The following GNB5 variants were observed in gnomAD, a reference collection of about 807,000 sequenced individuals.
The protein encoded by GNB5 is G protein subunit beta 5.
GNB5 carries 37 observed loss-of-function variants against 55.3 expected under a neutral mutation model. The observed-to-expected ratio is 0.67, with a 90% CI of 0.51 to 0.88. The LOEUF (loss-of-function observed/expected upper bound fraction) is 0.88. Ranked by LOEUF, GNB5 falls within the 40% of genes least tolerant of loss-of-function variation. The pLI is 0.00. For synonymous variants in GNB5, 219 were observed against 198.5 expected, an observed-to-expected ratio of 1.10 and a Z score of -0.87; for missense variants, 476 against 515.3, an observed-to-expected ratio of 0.92 and a Z score of 0.74.
In GNB5 at chr15:52,126,850, A is replaced by G. The variant is rs2033443469; in HGVS notation, c.913-806T>C. On this transcript the variant is annotated intron_variant, in intron 10 of 12. Transcript: ENST00000261837. ...TCGCTCGTCACCCAGGCTGGAGTGC[A>G]ATGGCGCTATCTTGGCTCACTGCAA... Among the ~76,000 whole-genome samples, 4 of 152,266 alleles carry G rather than the reference A, an allele frequency of 2.6e-5. 1 individual carries two copies. The South Asian group carries it at 8.3e-4, about 32-fold the overall frequency.
intron 7 of GNB5, chr15:52,139,974 C>G: frequency 7.9e-7 from 1 of 1,261,788 alleles, no homozygotes. Context: ...TTGCCTCAGG[C>G]CCAAAGACAT....
At chr15:52,135,477 A>G in intron 8 of GNB5, 136 bp downstream of exon 8, 2 of 774,134 alleles carry the variant, frequency 2.6e-6, no homozygotes, top group Non-Finnish European at 4.2e-6. Flanking sequence ...CTGGGGGTTT[A>G]GTGGGGAGTT....
At chr15:52,166,670 G>T (rs556048762) in intron 3 of GNB5, among the ~76,000 whole-genome samples, 1 of 152,254 alleles carries the variant, frequency 6.6e-6, no homozygotes, top group East Asian at 1.9e-4. Context: ...GAATCTCTAG[G>T]ACACAGCTAA....
In GNB5 at chr15:52,117,102, A is replaced by ATATATATTTTTTTTTTTTTTTTT; in HGVS notation, c.*5654_*5655insAAAAAAAAAAAAAAAAATATATA. On this transcript the variant is annotated 3_prime_UTR_variant, in exon 13 of 13. Transcript: ENST00000261837. ...CCACGCCCAGCTAATATATATATAT[A>ATATATATTTTTTTTTTTTTTTTT]TTTTTTTTTAGTACAGACAGGGTTT... 1 of 87,102 alleles carries ATATATATTTTTTTTTTTTTTTTT rather than the reference A, an allele frequency of 1.1e-5. No homozygotes were observed. Among genetic ancestry groups the ATATATATTTTTTTTTTTTTTTTT allele is most frequent in the African/African-American group, 6.1e-5 (1 of 16,420 alleles). 5.4% of individuals were successfully genotyped at this position (87,102 alleles called of 1,614,324 possible).
intron 9 of GNB5, among the ~76,000 whole-genome samples, chr15:52,131,390 A>G (rs2033570867): frequency 6.6e-6 from 1 of 152,190 alleles, no homozygotes; most frequent in Non-Finnish European, 1.5e-5. Flanking sequence ...TGCAAATACT[A>G]TACCACTTTA....
chr15:52,147,238 A>C (rs1333573099), intron 6 of GNB5: 2 of 439,466 alleles, frequency 4.6e-6, no homozygotes, highest in Non-Finnish European at 8.2e-6. Context: ...CCTGGGCTCA[A>C]GTGATCCTCC....
At chr15:52,136,902 G>C (rs903623573) in intron 7 of GNB5, 3 of 435,284 alleles carry the variant, frequency 6.9e-6, no homozygotes, top group African/African-American at 6.1e-5. Context: ...TTGAGACCAA[G>C]TAAAAATAAC....
chr15:52,177,948 A>G (rs1256261527), intron 3 of GNB5, among the ~76,000 whole-genome samples: 1 of 152,180 alleles, frequency 6.6e-6, no homozygotes, highest in African/African-American at 2.4e-5. Flanking sequence ...TCTTGGCAGG[A>G]CAAAAAAAAG....
In GNB5 at chr15:52,180,219, G is replaced by T. The variant is rs113073522; in HGVS notation, c.127-340C>A. ...CACACAGAGGGAAGGGCCAAGCCGG[G>T]ATTCCAACTCGGGACTCCCCGCTTC... is the stretch of plus-strand genomic sequence containing the variant. On this transcript the variant is annotated intron_variant, in intron 2 of 12. Coordinates refer to ENST00000261837, the MANE Select transcript of GNB5 (RefSeq NM_016194.4). 0.026 allele frequency: 4,450 copies of T among 170,534 alleles called. 156 individuals carry two copies. Among genetic ancestry groups the T allele is most frequent in the South Asian group, 0.13 (701 of 5,194 alleles). The allele number at this position is 170,534 out of a possible 1,614,324, so 10.6% of individuals were successfully genotyped here. A position where few individuals can be genotyped will look rare whatever the true frequency, so the allele number is the denominator to read the frequency against.
At chr15:52,149,792 A>G (rs776513023) in intron 5 of GNB5, 92 bp downstream of exon 5, 5 of 912,772 alleles carry the variant, frequency 5.5e-6, no homozygotes, top group Non-Finnish European at 7.3e-6. Flanking sequence ...CATGGAGAGA[A>G]ATCAGGACAG....
intron 9 of GNB5, among the ~76,000 whole-genome samples, chr15:52,132,487 G>C (rs916969904): frequency 2.3e-4 from 34 of 147,770 alleles, no homozygotes; most frequent in Middle Eastern, 3.2e-3. Flanking sequence ...TGTTTGTTTG[G>C]GTTTTTTTTT....
intron 8 of GNB5, 72 bp downstream of exon 8, chr15:52,135,541 T>G (rs1157462327): frequency 1.5e-6 from 2 of 1,343,044 alleles, no homozygotes; most frequent in Non-Finnish European, 2.1e-6. Context: ...ATCCCATGAA[T>G]GGACAAGAAC....
rs2033125346 is a variant in GNB5, at chr15:52,115,200, G to T, written c.*7557C>A. 1 of 152,200 alleles carries T rather than the reference G, an allele frequency of 6.6e-6. No individual in the cohort carries two copies. Among genetic ancestry groups the T allele is most frequent in the South Asian group, 2.1e-4 (1 of 4,832 alleles). 9.4% of individuals were successfully genotyped at this position (152,200 alleles called of 1,614,324 possible). A position where few individuals can be genotyped will look rare whatever the true frequency, so the allele number is the denominator to read the frequency against. Reference sequence around the variant, plus strand: ...AACATTGTTTTCTCTTAGATTTGCAGTAGCTTTGGGGTAAATGATAAATCC... The same window carrying T: ...AACATTGTTTTCTCTTAGATTTGCATTAGCTTTGGGGTAAATGATAAATCC... On this transcript the variant is annotated 3_prime_UTR_variant, in exon 13 of 13. Transcript: ENST00000261837.
At chr15:52,123,032 C>T (rs529307261) in intron 12 of GNB5, among the ~76,000 whole-genome samples, 2 of 142,072 alleles carry the variant, frequency 1.4e-5, no homozygotes, top group South Asian at 2.2e-4. Context: ...GTCTGTGGGG[C>T]ATCTGCAGCC....
chr15:52,186,551 G>A (rs2034849445), intron 1 of GNB5, among the ~76,000 whole-genome samples: 1 of 152,176 alleles, frequency 6.6e-6, no homozygotes, highest in African/African-American at 2.4e-5. Context: ...GAGGGGTTAT[G>A]TTGCCATTGC....
chr15:52,117,104 T>TATATATATATATATATATA lies in GNB5; in HGVS notation c.*5652_*5653insTATATATATATATATATAT, dbSNP rs1566928457. 3.0e-5 allele frequency: 2 copies of TATATATATATATATATATA among 66,076 alleles called. No homozygotes were observed. The highest frequency in any genetic ancestry group is 5.2e-5 in the Non-Finnish European group (2 of 38,712). The allele number at this position is 66,076 out of a possible 1,614,324, so 4.1% of individuals were successfully genotyped here. On this transcript the variant is annotated 3_prime_UTR_variant, in exon 13 of 13. Transcript: ENST00000261837. ...ACGCCCAGCTAATATATATATATAT[T>TATATATATATATATATATA]TTTTTTTAGTACAGACAGGGTTTCA...
At chr15:52,125,719 T>C (rs2033406478) in intron 11 of GNB5, 3 of 476,392 alleles carry the variant, frequency 6.3e-6, no homozygotes, top group Non-Finnish European at 7.5e-6. Context: ...AAGGACAGCA[T>C]TAGGTGGGTA....
At chr15:52,124,928 G>A (rs41277704) in intron 11 of GNB5, 1 of 248,012 alleles carries the variant, frequency 4.0e-6, no homozygotes, top group Admixed American at 5.2e-5. Context: ...GATTAAGGAG[G>A]GCACTGCAGA....
intron 6 of GNB5, among the ~76,000 whole-genome samples, chr15:52,146,145 G>C (rs1419265669): frequency 6.6e-6 from 1 of 151,916 alleles, no homozygotes; most frequent in Non-Finnish European, 1.5e-5. Context: ...TTTTAGTAGA[G>C]ACGGGGTTTC....
Sources: gnomAD v4.1 joint callset for allele counts (sites outside exome capture counted in the v4.1 genomes callset) on GRCh38, gnomAD v4.1.1 for gene constraint, MANE v1.5 for transcripts, NCBI Gene and HGNC (gene_info 2026-07-23, HGNC 2026-07-21) for gene names.